Variants in DISC1 observed in about 807,000 individuals in gnomAD.
DISC1 encodes the protein DISC1 scaffold protein.
Under a neutral mutation model 84.5 loss-of-function variants are expected in DISC1, and 57 were observed. That is an observed-to-expected ratio of 0.67 (90% CI 0.55 to 0.84). The LOEUF is 0.84. Among genes scored for constraint, DISC1 ranks in the 40% least tolerant of loss-of-function variants. DISC1 has a pLI of 0.00. For missense variants in DISC1, 1,000 were observed against 1,057.8 expected (o/e 0.95, Z 0.76); for synonymous variants, 411 against 415.2 (o/e 0.99, Z 0.12).
At chr1:231,776,164 T>C (rs1448349168) in intron 6 of DISC1, among the ~76,000 whole-genome samples, 3 of 152,184 alleles carry the variant, frequency 2.0e-5, no homozygotes, top group African/African-American at 4.8e-5. Flanking sequence ...TGTGACCTCA[T>C]GTAGCATGCA....
rs539956898 is a variant in DISC1, at chr1:231,781,846, C to T, written c.1634+10776C>T. On this transcript the variant is annotated intron_variant, in intron 6 of 12. Coordinates refer to ENST00000439617, the MANE Select transcript of DISC1 (RefSeq NM_018662.3). ...GAAGAGCAGAAGTTTTGGAATCTTC[C>T]AGCAGAAGGTAATTTAGCTCTGCTC... is the stretch of plus-strand genomic sequence containing the variant. 7.9e-5 allele frequency among the ~76,000 whole-genome samples: 12 copies of T among 152,312 alleles called. No homozygotes were observed. The South Asian group carries it at 1.7e-3, about 21-fold the overall frequency.
intron 9 of DISC1, among the ~76,000 whole-genome samples, chr1:231,920,945 C>T (rs1248380938): frequency 2.2e-5 from 3 of 138,184 alleles, no homozygotes; most frequent in South Asian, 4.6e-4. Context: ...CTTACTCTGT[C>T]ACCCAGGCTG....
chr1:231,864,741 C>G (rs150461403), intron 9 of DISC1, among the ~76,000 whole-genome samples: 2 of 151,988 alleles, frequency 1.3e-5, no homozygotes, highest in African/African-American at 4.8e-5. Flanking sequence ...ACGTGATGAC[C>G]GTTTAAAAAG....
rs12094190 is a variant in DISC1 at position 231,890,387 on chromosome 1, C to G, written c.1982-68441C>G. ...CTGCAGTATTGATCGAGCACAAATC[C>G]ACTTTCGTAAAGCAAAAATAAAGGT... is the stretch of plus-strand genomic sequence containing the variant. On this transcript the variant is annotated intron_variant, in intron 9 of 12. Transcript: ENST00000439617. Among the ~76,000 whole-genome samples the G allele has an allele frequency of 6.0e-3, 918 of 152,226 alleles. 12 individuals carry two copies. The highest frequency in any genetic ancestry group is 0.021 in the African/African-American group (854 of 41,540).
chr1:231,810,489 GAA>G (rs2080191106), intron 8 of DISC1, among the ~76,000 whole-genome samples: 1 of 152,314 alleles, frequency 6.6e-6, no homozygotes, highest in Admixed American at 6.5e-5. Flanking sequence ...TATCTGGTGT[GAA>G]AAGAAATGAA....
intron 9 of DISC1, among the ~76,000 whole-genome samples, chr1:231,887,328 C>G (rs2086846588): frequency 6.6e-6 from 1 of 152,212 alleles, no homozygotes; most frequent in South Asian, 2.1e-4. Context: ...CCCGTTTATC[C>G]TAGTGCCTTG....
At chr1:231,743,321 A>AT (rs1243679581) in intron 3 of DISC1, among the ~76,000 whole-genome samples, 1 of 152,216 alleles carries the variant, frequency 6.6e-6, no homozygotes, top group East Asian at 1.9e-4. Flanking sequence ...AGATACTATT[A>AT]TTAACCCCAT....
At chr1:231,845,053 G>C (rs964059684) in intron 9 of DISC1, among the ~76,000 whole-genome samples, 1 of 152,180 alleles carries the variant, frequency 6.6e-6, no homozygotes, top group East Asian at 1.9e-4. Context: ...CAGGTGGCAG[G>C]CTTCAGAGAG....
At chr1:231,794,951 T>C (rs1055840302) in intron 6 of DISC1, among the ~76,000 whole-genome samples, 16 of 152,176 alleles carry the variant, frequency 1.1e-4, no homozygotes, top group Admixed American at 3.3e-4. Context: ...TTTAATCCTT[T>C]GCTGCCAGGA....
intron 6 of DISC1, among the ~76,000 whole-genome samples, chr1:231,776,184 C>T (rs1007879691): frequency 6.6e-6 from 1 of 152,038 alleles, no homozygotes; most frequent in Admixed American, 6.6e-5. Flanking sequence ...ATATGGCTAA[C>T]GGCAAAGTGA....
intron 3 of DISC1, among the ~76,000 whole-genome samples, chr1:231,740,353 A>C (rs754664421): frequency 2.6e-4 from 40 of 152,196 alleles, no homozygotes; most frequent in Non-Finnish European, 5.0e-4. Context: ...TGATTTGTCA[A>C]ATAGAATATG....
Position 231,704,427 on chromosome 1 carries a change from T to A in DISC1, c.1117+2403T>A, listed in dbSNP as rs562973225. ...TACAACAGCACTTCTCAGACTTTAA[T>A]GTACTGTGAATAACCTGGGTTGGTA... On this transcript the variant is annotated intron_variant, in intron 3 of 12. Transcript: ENST00000439617. Among the ~76,000 whole-genome samples, 7 of 152,294 alleles carry A rather than the reference T, an allele frequency of 4.6e-5. No homozygotes were observed. In the South Asian group the frequency reaches 1.4e-3, roughly 32 times the overall value.
intron 3 of DISC1, among the ~76,000 whole-genome samples, chr1:231,716,316 C>CAA (rs397861600): frequency 0.018 from 1,455 of 82,604 alleles, 41 homozygotes; most frequent in African/African-American, 0.059. Context: ...TTTCAATCTG[C>CAA]AAAAAAAAAA....
chr1:231,950,895 T>C (rs561105973), intron 9 of DISC1, among the ~76,000 whole-genome samples: 140 of 152,282 alleles, frequency 9.2e-4, no homozygotes, highest in African/African-American at 3.2e-3. Context: ...TGTCTACCTA[T>C]GTAAGTATCA....
chr1:231,642,400 G>A (rs919875097), intron 1 of DISC1, among the ~76,000 whole-genome samples: 7 of 152,236 alleles, frequency 4.6e-5, no homozygotes, highest in South Asian at 2.1e-4. Context: ...CGCCAAAGTG[G>A]GAGCCCAGGC....
At chr1:231,823,068 A>T (rs905848645) in intron 9 of DISC1, among the ~76,000 whole-genome samples, 1 of 152,236 alleles carries the variant, frequency 6.6e-6, no homozygotes, top group Non-Finnish European at 1.5e-5. Context: ...GTGACAGATT[A>T]TACTGAGATA....
At chr1:231,703,340 A>C (rs2066641311) in intron 3 of DISC1, among the ~76,000 whole-genome samples, 1 of 152,134 alleles carries the variant, frequency 6.6e-6, no homozygotes, top group African/African-American at 2.4e-5. Flanking sequence ...GGCACCCCTC[A>C]AGCCCAGCGT....
At chr1:232,035,845 C>A (rs1670469472) in intron 12 of DISC1, among the ~76,000 whole-genome samples, 2 of 152,126 alleles carry the variant, frequency 1.3e-5, no homozygotes, top group Non-Finnish European at 2.9e-5. Context: ...TTAAACATTC[C>A]CCTGCTTGAA....
chr1:231,911,088 C>T (rs2089158284), intron 9 of DISC1, among the ~76,000 whole-genome samples: 1 of 152,254 alleles, frequency 6.6e-6, no homozygotes. Context: ...TGAGATGGGT[C>T]TCCTGAATAT....
Sources: gnomAD v4.1 joint callset for allele counts (sites outside exome capture counted in the v4.1 genomes callset) on GRCh38, gnomAD v4.1.1 for gene constraint, MANE v1.5 for transcripts, NCBI Gene and HGNC (gene_info 2026-07-23, HGNC 2026-07-21) for gene names.